The following FRAS1 variants were observed in gnomAD, a reference collection of about 807,000 sequenced individuals.
The protein encoded by FRAS1 is extracellular matrix organizing protein FRAS1.
A neutral mutation model predicts 435.2 loss-of-function variants in FRAS1; 290 were observed. That is an observed-to-expected ratio of 0.67 (90% confidence interval 0.61 to 0.73). FRAS1 has a LOEUF of 0.73. Ranked by LOEUF, FRAS1 falls within the 30% of genes least tolerant of loss-of-function variation. FRAS1 has a pLI of 0.00. For missense variants in FRAS1, 4,860 were observed against 5,001.5 expected (o/e 0.97, Z 0.85); for synonymous variants, 1,800 against 1,851.0 (o/e 0.97, Z 0.71).
chr4:78,384,965 A>C (rs928424244), intron 28 of FRAS1, among the ~76,000 whole-genome samples: 2 of 150,892 alleles, frequency 1.3e-5, no homozygotes, highest in African/African-American at 4.9e-5. Context: ...AGTTTGTTTT[A>C]TCTCTCTCTA....
intron 42 of FRAS1, 78 bp from the exon 43 acceptor site, chr4:78,446,649 G>A (rs576494345): frequency 2.6e-6 from 4 of 1,516,204 alleles, no homozygotes; most frequent in South Asian, 2.7e-5. Flanking sequence ...CTGTAGCAAT[G>A]ATACTGTCTC....
chr4:78,189,787 G>T (rs1380907007), intron 2 of FRAS1, among the ~76,000 whole-genome samples: 2 of 152,142 alleles, frequency 1.3e-5, no homozygotes, highest in Non-Finnish European at 2.9e-5. Flanking sequence ...GTTCAAAAAA[G>T]AACTCTTTAT....
chr4:78,387,436 C>T lies in FRAS1; in HGVS notation c.3710C>T (p.Thr1237Ile). 6.2e-7 allele frequency: 1 copy of T among 1,613,798 alleles called. No homozygotes were observed. The highest frequency in any genetic ancestry group is 8.5e-7 in the Non-Finnish European group (1 of 1,179,772). Residue 1237 changes from threonine to isoleucine, a missense_variant, in exon 29 of 74, where the codon ACC becomes ATC. Thr to Ile is a moderately conservative substitution (Grantham distance 89, BLOSUM62 -1). Coordinates refer to ENST00000512123, the MANE Select transcript of FRAS1 (RefSeq NM_025074.7). ...AGCAGAGGAGAGAGGGCAACCATCACCACCCAGATGCTTGACATCCGAGAT... is the reference window on the plus strand; with the variant it reads ...AGCAGAGGAGAGAGGGCAACCATCATCACCCAGATGCTTGACATCCGAGAT... ...HISRGERATITTQMLDIRDDD... is the reference protein window; with the variant it reads ...HISRGERATIITQMLDIRDDD...
chr4:78,401,976 G>A (rs1732912097), intron 30 of FRAS1, among the ~76,000 whole-genome samples: 1 of 151,788 alleles, frequency 6.6e-6, no homozygotes, highest in Non-Finnish European at 1.5e-5. Context: ...TTAAAATTAT[G>A]GAATATGGGA....
intron 63 of FRAS1, among the ~76,000 whole-genome samples, chr4:78,510,975 C>A (rs1315015630): frequency 6.6e-6 from 1 of 152,142 alleles, no homozygotes; most frequent in African/African-American, 2.4e-5. Context: ...TTCTGCTGAG[C>A]CTAGTATATA....
intron 47 of FRAS1, among the ~76,000 whole-genome samples, chr4:78,456,755 T>C (rs551843456): frequency 6.6e-6 from 1 of 152,196 alleles, no homozygotes; most frequent in Non-Finnish European, 1.5e-5. Flanking sequence ...TGTCCAGCAA[T>C]GAATGGGATA....
At chr4:78,464,849 T>C (rs957501481) in intron 49 of FRAS1, among the ~76,000 whole-genome samples, 16 of 152,252 alleles carry the variant, frequency 1.1e-4, no homozygotes, top group African/African-American at 2.9e-4. Context: ...ACTTTTAACA[T>C]GCTGATTTTG....
At chr4:78,108,848 G>A (rs1424373743) in intron 2 of FRAS1, among the ~76,000 whole-genome samples, 7 of 128,954 alleles carry the variant, frequency 5.4e-5, no homozygotes, top group South Asian at 4.8e-4. Context: ...TTGATAGACC[G>A]CTAGCAAGAT....
chr4:78,388,604 C>T (rs537302351), intron 29 of FRAS1, among the ~76,000 whole-genome samples: 5 of 150,386 alleles, frequency 3.3e-5, no homozygotes, highest in South Asian at 2.1e-4. Flanking sequence ...TTGAGACCAG[C>T]GTGAGCAACG....
intron 31 of FRAS1, among the ~76,000 whole-genome samples, chr4:78,408,696 G>T (rs1733198165): frequency 2.0e-5 from 3 of 152,166 alleles, no homozygotes; most frequent in African/African-American, 7.2e-5. Flanking sequence ...GATTTAATGA[G>T]TTAATACAGA....
At chr4:78,398,039 C>T (rs1163952249) in intron 29 of FRAS1, among the ~76,000 whole-genome samples, 1 of 152,112 alleles carries the variant, frequency 6.6e-6, no homozygotes, top group Non-Finnish European at 1.5e-5. Flanking sequence ...GTATTGTCAT[C>T]TGCAGATGGT....
chr4:78,065,979 C>A lies in FRAS1; in HGVS notation c.77-6C>A. The A allele has an allele frequency of 6.2e-7, 1 of 1,603,766 alleles. No homozygotes were observed. The highest frequency in any genetic ancestry group is 8.5e-7 in the Non-Finnish European group (1 of 1,171,808). On this transcript the variant is annotated splice_region_variant and splice_polypyrimidine_tract_variant and intron_variant, in intron 1 of 73. Coordinates refer to ENST00000512123, the MANE Select transcript of FRAS1 (RefSeq NM_025074.7). Reference sequence around the variant, plus strand: ...CTTTTAATTCTTGTTTTGTTTTTCCCCACAGGTGCTTGTGTCTATCAGGAT... The same window carrying A: ...CTTTTAATTCTTGTTTTGTTTTTCCACACAGGTGCTTGTGTCTATCAGGAT...
At chr4:78,181,477 T>C (rs1578170756) in intron 2 of FRAS1, 1 of 1,611,708 alleles carries the variant, frequency 6.2e-7, no homozygotes, top group African/African-American at 1.3e-5. Flanking sequence ...CAAATTCACG[T>C]TTGCCACGAG....
intron 1 of FRAS1, among the ~76,000 whole-genome samples, chr4:78,064,305 A>G (rs1267887634): frequency 7.2e-6 from 1 of 139,364 alleles, no homozygotes; most frequent in Non-Finnish European, 1.5e-5. Context: ...ATAGAAATAA[A>G]TTCCTTTTTT....
intron 2 of FRAS1, among the ~76,000 whole-genome samples, chr4:78,133,194 A>G (rs10005735): frequency 0.17 from 25,292 of 152,208 alleles, 2,273 homozygotes; most frequent in Admixed American, 0.2. Flanking sequence ...GGCCATAAGA[A>G]TGAGATTCGG....
intron 29 of FRAS1, among the ~76,000 whole-genome samples, chr4:78,395,474 A>G (rs1050110427): frequency 6.6e-6 from 1 of 151,950 alleles, no homozygotes; most frequent in Non-Finnish European, 1.5e-5. Flanking sequence ...GTCCACTACC[A>G]TTATTGCAAT....
intron 2 of FRAS1, among the ~76,000 whole-genome samples, chr4:78,103,397 C>T (rs534258835): frequency 1.1e-4 from 17 of 152,278 alleles, no homozygotes; most frequent in African/African-American, 4.1e-4. Context: ...TCATGTGTAG[C>T]TCACAACTGT....
intron 17 of FRAS1, among the ~76,000 whole-genome samples, chr4:78,318,544 GT>G (rs1248859353): frequency 1.3e-5 from 2 of 152,334 alleles, no homozygotes; most frequent in East Asian, 3.9e-4. Context: ...CCAGTTTGCT[GT>G]TTTTGCTCAT....
chr4:78,212,440 G>T (rs757914672), intron 2 of FRAS1, among the ~76,000 whole-genome samples: 1 of 152,090 alleles, frequency 6.6e-6, no homozygotes, highest in Non-Finnish European at 1.5e-5. Context: ...TCAAAGAAGT[G>T]AGTCTGAAGA....
Sources: allele counts gnomAD v4.1 joint callset (sites outside exome capture counted in the v4.1 genomes callset), GRCh38; gene constraint gnomAD v4.1.1; transcripts MANE v1.5; gene names NCBI Gene and HGNC (gene_info 2026-07-23, HGNC 2026-07-21).